AK9: variants seen among roughly 807,000 people sequenced by gnomAD.
AK9 encodes adenylate kinase domain containing 1.
In AK9, 191 loss-of-function variants were observed where a neutral mutation model predicts 239.6. That is an observed-to-expected ratio of 0.80 (90% CI 0.71 to 0.90). The LOEUF (loss-of-function observed/expected upper bound fraction) is 0.90. Ranked by LOEUF, AK9 falls within the 40% of genes least tolerant of loss-of-function variation. AK9 has a pLI of 0.00. For synonymous variants in AK9, 689 were observed against 721.0 expected, an observed-to-expected ratio of 0.96 and a Z score of 0.71; for missense variants, 1,995 against 2,214.7, an observed-to-expected ratio of 0.90 and a Z score of 1.99.
intron 26 of AK9, among the ~76,000 whole-genome samples, chr6:109,544,632 A>G (rs1337529940): frequency 6.6e-6 from 1 of 152,206 alleles, no homozygotes; most frequent in Admixed American, 6.5e-5. Flanking sequence ...AGGCCTCTCC[A>G]GAAGCCAAGC....
intron 28 of AK9, among the ~76,000 whole-genome samples, chr6:109,531,117 G>A (rs1020017734): frequency 4.6e-5 from 7 of 152,228 alleles, no homozygotes; most frequent in African/African-American, 1.7e-4. Context: ...GGCTGCTGCA[G>A]AGAAGGGTTT....
intron 12 of AK9, among the ~76,000 whole-genome samples, chr6:109,621,872 C>A (rs1794856550): frequency 8.7e-6 from 1 of 114,472 alleles, no homozygotes; most frequent in Non-Finnish European, 1.7e-5. Context: ...TGCACATGTA[C>A]CCTAAAACTT....
At chr6:109,567,499 G>C (rs1373723126) in intron 21 of AK9, among the ~76,000 whole-genome samples, 1 of 152,058 alleles carries the variant, frequency 6.6e-6, no homozygotes, top group African/African-American at 2.4e-5. Flanking sequence ...TCTACCAGAG[G>C]TACAAATAGG....
Position 109,614,271 on chromosome 6 carries a change from G to A in AK9, c.1521C>T (p.Asp507=), listed in dbSNP as rs1330794823. 1.3e-6 allele frequency: 2 copies of A among 1,551,314 alleles called. No individual in the cohort carries two copies. Among genetic ancestry groups the A allele is most frequent in the Admixed American group, 2.0e-5 (1 of 50,966 alleles). ...EEGYIQGSQR[D]RGSSLVDTEE... Reference sequence around the variant, plus strand: ...CGGTGTCCACTAAAGAGCTGCCTCTGTCCCTTTGGGAGCCTTGAATGTACC... The same window carrying A: ...CGGTGTCCACTAAAGAGCTGCCTCTATCCCTTTGGGAGCCTTGAATGTACC... The change falls in exon 15 of 41, where the codon GAC becomes GAT. Residue 507 remains aspartate, a synonymous_variant. Coordinates refer to ENST00000424296, the MANE Select transcript of AK9 (RefSeq NM_001145128.3).
intron 8 of AK9, among the ~76,000 whole-genome samples, chr6:109,655,122 G>A (rs1054268350): frequency 6.6e-6 from 1 of 152,102 alleles, no homozygotes; most frequent in Non-Finnish European, 1.5e-5. Flanking sequence ...TTCTACTTCT[G>A]GGTGTTTTTG....
chr6:109,564,150 T>C lies in AK9; in HGVS notation c.2565A>G (p.Lys855=), dbSNP rs1476155915. ...TGTCAGCAATCTCCAAGTTTAAAAT[T>C]TTAATGTAAGCCTCACTAATTGTTG... is the stretch of plus-strand genomic sequence containing the variant. ...LEATISEAYI[K]ILNLEIADRT... is the part of the protein sequence containing the mutation. The change falls in exon 23 of 41, where the codon AAA becomes AAG. Residue 855 remains lysine, a synonymous_variant. Transcript: ENST00000424296. 1 of 1,551,498 alleles carries C rather than the reference T, an allele frequency of 6.4e-7. No individual in the cohort carries two copies. The highest frequency in any genetic ancestry group is 1.2e-5 in the South Asian group (1 of 84,052).
At chr6:109,493,873 C>G (rs1776773040) in intron 40 of AK9, 108 bp downstream of exon 40, 7 of 828,424 alleles carry the variant, frequency 8.4e-6, no homozygotes, top group South Asian at 1.8e-5. Flanking sequence ...AACACTCTCT[C>G]TTTCTCTCTC....
intron 24 of AK9, among the ~76,000 whole-genome samples, chr6:109,557,557 C>A: frequency 6.6e-6 from 1 of 152,210 alleles, no homozygotes; most frequent in South Asian, 2.1e-4. Flanking sequence ...ACCCACTCAT[C>A]TGGGCTGCCT....
chr6:109,502,326 CACAA>C lies in AK9; in HGVS notation c.4850-3090_4850-3087del, dbSNP rs755955272. 5.9e-5 allele frequency among the ~76,000 whole-genome samples: 9 copies of C among 152,164 alleles called. No homozygotes were observed. The South Asian group carries it at 6.2e-4, about 11-fold the overall frequency. ...TCGGAAATAGGGTCAGAGAAATACA[CACAA>C]ACAGACAGATACGGAAGGGAGAATG... On this transcript the variant is annotated intron_variant, in intron 35 of 40. Transcript: ENST00000424296.
At chr6:109,509,131 T>G (rs1233887425) in intron 33 of AK9, 48 bp downstream of exon 33, 1 of 1,506,748 alleles carries the variant, frequency 6.6e-7, no homozygotes, top group Non-Finnish European at 8.9e-7. Flanking sequence ...AGCAGTTTCT[T>G]GAAAGATTTA....
chr6:109,632,162 C>T, intron 12 of AK9: 7 of 985,330 alleles, frequency 7.1e-6, no homozygotes, highest in Non-Finnish European at 8.4e-6. Flanking sequence ...GTATGTTTGT[C>T]ATGTTTCACA....
intron 17 of AK9, among the ~76,000 whole-genome samples, chr6:109,598,692 A>G (rs1034939353): frequency 1.6e-4 from 24 of 152,354 alleles, no homozygotes; most frequent in African/African-American, 5.5e-4. Flanking sequence ...TCCCACCAAC[A>G]GTGTAAAAGC....
At chr6:109,650,425 T>C (rs778004390) in intron 8 of AK9, among the ~76,000 whole-genome samples, 7 of 151,708 alleles carry the variant, frequency 4.6e-5, no homozygotes, top group Non-Finnish European at 1.0e-4. Flanking sequence ...GCAAAGGATA[T>C]GAACAGACAC....
chr6:109,690,700 G>A (rs1388748711), intron 1 of AK9: 1 of 152,236 alleles, frequency 6.6e-6, no homozygotes, highest in Non-Finnish European at 1.5e-5. Context: ...TCACAACTAT[G>A]GAAGAGAGGG....
chr6:109,562,855 G>A (rs1454143692), intron 24 of AK9, among the ~76,000 whole-genome samples: 1 of 152,126 alleles, frequency 6.6e-6, no homozygotes, highest in Non-Finnish European at 1.5e-5. Context: ...ATTTTATGGT[G>A]CACCAGAGTG....
intron 12 of AK9, among the ~76,000 whole-genome samples, chr6:109,622,030 A>G (rs1388554912): frequency 6.8e-6 from 1 of 147,668 alleles, no homozygotes; most frequent in African/African-American, 2.5e-5. Context: ...AGTTGCAAAA[A>G]TGTATATATC....
intron 24 of AK9, among the ~76,000 whole-genome samples, chr6:109,557,778 A>G (rs9400298): frequency 0.19 from 28,759 of 152,162 alleles, 3,193 homozygotes; most frequent in South Asian, 0.34. Context: ...ACTGGGTGCT[A>G]TGGTAGGTGT....
chr6:109,682,768 C>A (rs556295679), intron 1 of AK9, among the ~76,000 whole-genome samples: 1 of 152,042 alleles, frequency 6.6e-6, no homozygotes. Flanking sequence ...AGCCTACCAA[C>A]CAAAAAAAGT....
chr6:109,529,398 G>A (rs1205259044), intron 28 of AK9, among the ~76,000 whole-genome samples: 1 of 152,098 alleles, frequency 6.6e-6, no homozygotes, highest in Non-Finnish European at 1.5e-5. Flanking sequence ...ATACGTGGAG[G>A]CAATTCACTG....
Sources: gnomAD v4.1 joint callset for allele counts (sites outside exome capture counted in the v4.1 genomes callset) on GRCh38, gnomAD v4.1.1 for gene constraint, MANE v1.5 for transcripts, NCBI Gene and HGNC (gene_info 2026-07-23, HGNC 2026-07-21) for gene names.